FANCI: variants seen among roughly 807,000 people sequenced by gnomAD.
FANCI encodes the protein Fanconi anemia group I protein.
FANCI carries 156 observed loss-of-function variants against 176.1 expected under a neutral mutation model. The observed-to-expected ratio is 0.89, with a 90% CI of 0.78 to 1.01. FANCI has a LOEUF of 1.01. FANCI is among the 50% of genes least tolerant of loss of function. The pLI is 0.00. For synonymous variants in FANCI, 613 were observed against 541.7 expected (o/e 1.13, Z -1.83); for missense variants, 1,678 against 1,534.1 (o/e 1.09, Z -1.57).
intron 24 of FANCI, among the ~76,000 whole-genome samples, chr15:89,297,389 CT>C (rs1485531066): frequency 2.6e-5 from 4 of 152,090 alleles, no homozygotes; most frequent in Non-Finnish European, 5.9e-5. Flanking sequence ...AATCTCGGCA[CT>C]TTGGGAGGCC....
chr15:89,302,329 C>T (rs768934008), intron 27 of FANCI, among the ~76,000 whole-genome samples: 1 of 152,104 alleles, frequency 6.6e-6, no homozygotes, highest in Non-Finnish European at 1.5e-5. Context: ...CCAAACAGCT[C>T]ACCCCCACTT....
At chr15:89,316,285 A>ATGAC in intron 37 of FANCI, 112 bp from the exon 38 acceptor site, 1 of 1,093,810 alleles carries the variant, frequency 9.1e-7, no homozygotes, top group Non-Finnish European at 1.4e-6. Context: ...TGGGGAAAGC[A>ATGAC]TGACTAACAA....
In FANCI at chr15:89,310,930, C is replaced by T. The variant is rs182473632; in HGVS notation, c.3652-1974C>T. Among the ~76,000 whole-genome samples the T allele has an allele frequency of 1.8e-3, 268 of 152,168 alleles. 1 individual carries two copies. Among genetic ancestry groups the T allele is most frequent in the African/African-American group, 6.0e-3 (249 of 41,494 alleles). On this transcript the variant is annotated intron_variant, in intron 34 of 37. Transcript: ENST00000310775. ...ACAAGGTCTGGAGTTTGAGACCAGCCTGGCCAACATGGTGAAATCCCGTCT... is the reference window on the plus strand; with the variant it reads ...ACAAGGTCTGGAGTTTGAGACCAGCTTGGCCAACATGGTGAAATCCCGTCT...
chr15:89,294,981 T>C lies in FANCI; in HGVS notation c.2523T>C (p.Tyr841=). ...VLRSSNEFMR[Y]AVNVALQKVQ... The stretch of plus-strand genomic sequence containing the variant: ...GGTCCAGCAATGAGTTTATGCGCTA[T>C]GCAGTGAATGTAGCTCTGCAGAAAG... Residue 841 remains tyrosine, a synonymous_variant, in exon 24 of 38, where the codon TAT becomes TAC. Transcript: ENST00000310775. 2 of 1,552,278 alleles carry C rather than the reference T, an allele frequency of 1.3e-6. No individual in the cohort carries two copies. The highest frequency in any genetic ancestry group is 1.7e-6 in the Non-Finnish European group (2 of 1,147,124).
intron 9 of FANCI, among the ~76,000 whole-genome samples, chr15:89,265,948 G>T (rs1299463453): frequency 1.3e-5 from 2 of 151,274 alleles, no homozygotes; most frequent in Non-Finnish European, 2.9e-5. Context: ...GAGAGACAAA[G>T]AATTTAGTTA....
intron 34 of FANCI, among the ~76,000 whole-genome samples, chr15:89,309,739 T>C (rs2054880992): frequency 6.6e-6 from 1 of 152,180 alleles, no homozygotes; most frequent in South Asian, 2.1e-4. Context: ...AAAACAGTGC[T>C]GAGAGTTCCA....
At chr15:89,270,190 G>A (rs1041214850) in intron 10 of FANCI, among the ~76,000 whole-genome samples, 1 of 152,100 alleles carries the variant, frequency 6.6e-6, no homozygotes, top group Non-Finnish European at 1.5e-5. Flanking sequence ...AAAACAGGTA[G>A]TGGGTTGGAT....
intron 25 of FANCI, 134 bp from the exon 26 acceptor site, chr15:89,300,166 T>G: frequency 1.9e-6 from 2 of 1,071,456 alleles, no homozygotes; most frequent in Admixed American, 4.2e-5. Flanking sequence ...AATATAGTAT[T>G]AAGAAATCAC....
At chr15:89,304,333 A>G (rs1033307845) in intron 28 of FANCI, among the ~76,000 whole-genome samples, 1 of 152,258 alleles carries the variant, frequency 6.6e-6, no homozygotes, top group Non-Finnish European at 1.5e-5. Context: ...GCAAATAAGC[A>G]TGAACAAACT....
At chr15:89,270,869 C>T (rs1280605749) in intron 10 of FANCI, among the ~76,000 whole-genome samples, 1 of 152,158 alleles carries the variant, frequency 6.6e-6, no homozygotes, top group East Asian at 1.9e-4. Flanking sequence ...CATCCTGATG[C>T]TAGCCATGTC....
rs112122784 is a variant in FANCI at position 89,294,601 on chromosome 15, AG to A, written c.2457-307del. On this transcript the variant is annotated intron_variant, in intron 23 of 37. Transcript: ENST00000310775. Reference sequence around the variant, plus strand: ...ATTCTGCCTAAATAAATAAAAAGGTAGGGGGGGTGACTGAATTAAAAATACA... The same window carrying A: ...ATTCTGCCTAAATAAATAAAAAGGTAGGGGGGTGACTGAATTAAAAATACA... Among the ~76,000 whole-genome samples, 393 of 151,054 alleles carry A rather than the reference AG, an allele frequency of 2.6e-3. 8 individuals carry two copies. The highest frequency in any genetic ancestry group is 0.014 in the East Asian group (74 of 5,146).
At chr15:89,282,441 GATCTTGCC>G (rs1181694007) in intron 16 of FANCI, 1 of 161,784 alleles carries the variant, frequency 6.2e-6, no homozygotes, top group Non-Finnish European at 1.4e-5. Flanking sequence ...AGCTAGAGAT[GATCTTGCC>G]ATCTCCTAAA....
At chr15:89,295,743 C>CCCCCT (rs778881922) in intron 24 of FANCI, among the ~76,000 whole-genome samples, 3 of 127,458 alleles carry the variant, frequency 2.4e-5, no homozygotes, top group Admixed American at 7.7e-5. Context: ...CCCCCCCCAC[C>CCCCCT]TTTTTTTTTT....
At chr15:89,256,275 C>A (rs2052489606) in intron 2 of FANCI, among the ~76,000 whole-genome samples, 1 of 152,212 alleles carries the variant, frequency 6.6e-6, no homozygotes, top group South Asian at 2.1e-4. Context: ...GTTGTGACAA[C>A]CAGAAATGTT....
Position 89,305,358 on chromosome 15 carries a change from A to G in FANCI, c.3204A>G (p.Lys1068=). 6.2e-7 allele frequency: 1 copy of G among 1,614,102 alleles called. No homozygotes were observed. Among genetic ancestry groups the G allele is most frequent in the Non-Finnish European group, 8.5e-7 (1 of 1,180,032 alleles). Residue 1068 remains lysine, a synonymous_variant, in exon 30 of 38, where the codon AAA becomes AAG. Transcript: ENST00000310775. The part of the protein sequence containing the change: ...GDIDQDVEVE[K]TNHFAIVNLR... Reference sequence around the variant, plus strand: ...TTCCCCAGGATGTAGAGGTGGAGAAAACAAACCACTTTGCAATAGTGAATT... The same window carrying G: ...TTCCCCAGGATGTAGAGGTGGAGAAGACAAACCACTTTGCAATAGTGAATT...
intron 11 of FANCI, 42 bp downstream of exon 11, chr15:89,273,511 TAAAAAA>T (rs34985075): frequency 1.5e-3 from 721 of 475,758 alleles, no homozygotes; most frequent in Middle Eastern, 3.2e-3. Context: ...CTGTAGTTGG[TAAAAAA>T]AAAAAAAAAA....
chr15:89,261,140 G>A (rs111727969), intron 4 of FANCI, among the ~76,000 whole-genome samples: 12 of 152,084 alleles, frequency 7.9e-5, no homozygotes, highest in African/African-American at 1.4e-4. Flanking sequence ...GGCTCGTGGC[G>A]CATGTCAGTG....
intron 22 of FANCI, 66 bp from the exon 23 acceptor site, chr15:89,293,767 A>G (rs909708029): frequency 2.9e-6 from 4 of 1,401,500 alleles, no homozygotes; most frequent in Non-Finnish European, 4.0e-6. Context: ...GATTATTATC[A>G]TATGTAAAAG....
Position 89,274,277 on chromosome 15 carries a change from C to G in FANCI, c.1085C>G (p.Thr362Ser). Residue 362 changes from threonine to serine, a missense_variant, in exon 12 of 38, where the codon ACC becomes AGC. This residue lies in a region of FANCI where 469 missense variants were observed against 436.9 expected (regional missense o/e 1.07). Coordinates refer to ENST00000310775, the MANE Select transcript of FANCI (RefSeq NM_001113378.2). ...GTTCCTCATAGATCTTATGTTTCAA[C>G]CATGATCTTGGAAGTAGTGAAGAAT... is the stretch of plus-strand genomic sequence containing the variant. Reference protein sequence around the residue: ...NLVPHRSYVSTMILEVVKNSV... With the variant: ...NLVPHRSYVSSMILEVVKNSV... 6.2e-7 allele frequency: 1 copy of G among 1,613,458 alleles called. No individual in the cohort carries two copies. Among genetic ancestry groups the G allele is most frequent in the South Asian group, 1.1e-5 (1 of 91,048 alleles).
Sources: gnomAD v4.1 joint callset for allele counts (sites outside exome capture counted in the v4.1 genomes callset) on GRCh38, gnomAD v4.1.1 for gene constraint, gnomAD v4.1.1 regional missense constraint, MANE v1.5 for transcripts, NCBI Gene and HGNC (gene_info 2026-07-23, HGNC 2026-07-21) for gene names.